Variants in HK1 observed in about 807,000 individuals in gnomAD.
HK1 encodes the protein hexokinase-1.
Under a neutral mutation model 91.6 loss-of-function variants are expected in HK1, and 28 were observed. The ratio of observed to expected loss-of-function variants is 0.31; its 90% confidence interval spans 0.23 to 0.42. The LOEUF (loss-of-function observed/expected upper bound fraction) is 0.42, where lower values mean the gene tolerates loss of function less well. HK1 is among the 10% of genes least tolerant of loss of function. The probability of loss-of-function intolerance (pLI) is 1.00; values close to 1 mark genes in which losing one functional copy is unlikely to be tolerated. For synonymous variants in HK1, 430 were observed against 468.1 expected, an observed-to-expected ratio of 0.92 and a Z score of 1.05; for missense variants, 770 against 1,219.8, an observed-to-expected ratio of 0.63 and a Z score of 5.49.
intron 2 of HK1, among the ~76,000 whole-genome samples, chr10:69,355,941 A>G (rs550092650): frequency 6.6e-6 from 1 of 152,134 alleles, no homozygotes; most frequent in Non-Finnish European, 1.5e-5. Context: ...CAAAAGAATG[A>G]AGTTTGACCT....
upstream of HK1, among the ~76,000 whole-genome samples, chr10:69,312,916 T>C (rs917103502): frequency 6.6e-5 from 10 of 152,162 alleles, no homozygotes; most frequent in African/African-American, 2.4e-4. Flanking sequence ...AGCCGTATTT[T>C]GGGGTGAATT....
At chr10:69,323,238 C>CT (rs1236191428) in intron 1 of HK1, among the ~76,000 whole-genome samples, 1 of 147,918 alleles carries the variant, frequency 6.8e-6, no homozygotes, top group African/African-American at 2.5e-5. Flanking sequence ...GAGCGAAACT[C>CT]TGTCTCAAAA....
At chr10:69,396,831 G>A (rs1840165754) in intron 16 of HK1, among the ~76,000 whole-genome samples, 1 of 152,158 alleles carries the variant, frequency 6.6e-6, no homozygotes, top group South Asian at 2.1e-4. Flanking sequence ...ACAGGCGTGC[G>A]TCACCATGCA....
chr10:69,331,166 C>T (rs61869989), intron 1 of HK1, among the ~76,000 whole-genome samples: 2,404 of 152,284 alleles, frequency 0.016, 30 homozygotes, highest in Non-Finnish European at 0.025. Context: ...AGGCATGAGC[C>T]GCCACGCCGG....
chr10:69,383,876 G>A (rs1839509817), intron 10 of HK1, among the ~76,000 whole-genome samples: 1 of 152,262 alleles, frequency 6.6e-6, no homozygotes, highest in African/African-American at 2.4e-5. Flanking sequence ...GCCACACTCT[G>A]TTGGCCTGAA....
intron 8 of HK1, among the ~76,000 whole-genome samples, chr10:69,378,307 C>A (rs1839216309): frequency 6.9e-6 from 1 of 145,756 alleles, no homozygotes. Context: ...TAAAGGCTAT[C>A]TCAAAAAAAA....
At chr10:69,287,327 C>T (rs370731958) in intron 2 of HK1, among the ~76,000 whole-genome samples, 2 of 151,810 alleles carry the variant, frequency 1.3e-5, no homozygotes, top group East Asian at 3.9e-4. Context: ...AGAACCCACT[C>T]ACTATCACAA....
rs890305519 is a variant in HK1 at position 69,337,706 on chromosome 10, G to T, written c.64-6121G>T. Among the ~76,000 whole-genome samples the T allele has an allele frequency of 6.6e-5, 10 of 152,194 alleles. No homozygotes were observed. The South Asian group carries it at 1.0e-3, about 16-fold the overall frequency. On this transcript the variant is annotated intron_variant, in intron 1 of 17. Transcript: ENST00000359426. ...TTTCCTTTTGTAAGTGGAGCGCCTT[G>T]CTTGGAAAGTTCATTTTAAAGGCCT...
intron 1 of HK1, among the ~76,000 whole-genome samples, chr10:69,275,508 C>T (rs59097318): frequency 0.025 from 3,800 of 152,086 alleles, 162 homozygotes; most frequent in African/African-American, 0.086. Flanking sequence ...CAGGGATTGA[C>T]TAATTACTTC....
At chr10:69,295,274 C>T (rs1290048754) in intron 3 of HK1, among the ~76,000 whole-genome samples, 1 of 152,174 alleles carries the variant, frequency 6.6e-6, no homozygotes, top group Non-Finnish European at 1.5e-5. Flanking sequence ...AGCTCCGGTG[C>T]TGCTGCGCTT....
intron 1 of HK1, among the ~76,000 whole-genome samples, chr10:69,329,326 C>T (rs1847570243): frequency 6.6e-6 from 1 of 152,092 alleles, no homozygotes; most frequent in Non-Finnish European, 1.5e-5. Context: ...CCATGCCCAG[C>T]TAATTTTTGT....
At chr10:69,362,496 T>C (rs903286582) in intron 3 of HK1, among the ~76,000 whole-genome samples, 1 of 152,088 alleles carries the variant, frequency 6.6e-6, no homozygotes, top group Non-Finnish European at 1.5e-5. Flanking sequence ...TGACTTTTTT[T>C]CCTGGTTGAT....
At chr10:69,346,898 T>C (rs1252647524) in intron 2 of HK1, among the ~76,000 whole-genome samples, 1 of 152,164 alleles carries the variant, frequency 6.6e-6, no homozygotes, top group East Asian at 1.9e-4. Flanking sequence ...GCCCTCTGAA[T>C]GTTGGCTGAA....
chr10:69,326,270 T>C (rs1847371679), intron 1 of HK1, among the ~76,000 whole-genome samples: 1 of 152,034 alleles, frequency 6.6e-6, no homozygotes, highest in African/African-American at 2.4e-5. Context: ...TACTAACATA[T>C]GTGTAGGTGT....
intron 5 of HK1, among the ~76,000 whole-genome samples, chr10:69,308,876 G>C (rs1370461482): frequency 6.6e-6 from 1 of 152,196 alleles, no homozygotes; most frequent in Non-Finnish European, 1.5e-5. Flanking sequence ...TGATCTGACA[G>C]GAGACAGAGC....
intron 2 of HK1, among the ~76,000 whole-genome samples, chr10:69,347,439 ATTT>A (rs556840743): frequency 7.1e-6 from 1 of 140,328 alleles, no homozygotes. Flanking sequence ...TAGGAGACAG[ATTT>A]TTTTTTTTTT....
intron 3 of HK1, chr10:69,288,852 T>G: frequency 8.4e-7 from 1 of 1,189,052 alleles, no homozygotes; most frequent in South Asian, 1.3e-5. Context: ...AGTGGCGCGA[T>G]CTCGGCTCAC....
At chr10:69,318,053 G>C (rs1846741052), upstream of HK1, 1 of 985,322 alleles carries the variant, frequency 1.0e-6, no homozygotes, top group African/African-American at 1.7e-5. Flanking sequence ...GATGGGGACA[G>C]GCCACGACCT....
intron 8 of HK1, among the ~76,000 whole-genome samples, 156 bp downstream of exon 8, chr10:69,377,245 G>A (rs1187762451): frequency 6.6e-6 from 1 of 152,076 alleles, no homozygotes; most frequent in Non-Finnish European, 1.5e-5. Flanking sequence ...GACCCATTCT[G>A]GGCCGGACTC....
Sources: allele counts gnomAD v4.1 joint callset (sites outside exome capture counted in the v4.1 genomes callset), GRCh38; gene constraint gnomAD v4.1.1; transcripts MANE v1.5; gene names NCBI Gene and HGNC (gene_info 2026-07-23, HGNC 2026-07-21).